KCNT2: variants seen among roughly 807,000 people sequenced by gnomAD.
KCNT2 encodes potassium sodium-activated channel subfamily T member 2.
In KCNT2, 67 loss-of-function variants were observed where a neutral mutation model predicts 153.8. That is an observed-to-expected ratio of 0.44 (90% CI 0.36 to 0.53). KCNT2 has a LOEUF of 0.53. Ranked by LOEUF, KCNT2 falls within the 20% of genes least tolerant of loss-of-function variation. The pLI is 0.00. For synonymous variants in KCNT2, 500 were observed against 458.8 expected (o/e 1.09, Z -1.15); for missense variants, 975 against 1,354.8 (o/e 0.72, Z 4.40).
intron 8 of KCNT2, among the ~76,000 whole-genome samples, chr1:196,431,265 G>A (rs1674124243): frequency 6.6e-6 from 1 of 152,146 alleles, no homozygotes; most frequent in Non-Finnish European, 1.5e-5. Flanking sequence ...TTGACACTGA[G>A]AAATAGGGTG....
chr1:196,323,574 C>A (rs911854828), intron 19 of KCNT2, among the ~76,000 whole-genome samples: 1 of 151,808 alleles, frequency 6.6e-6, no homozygotes, highest in Admixed American at 6.6e-5. Flanking sequence ...ATTTAATTAC[C>A]ATTTAAGATC....
At chr1:196,294,220 A>T (rs1173405601) in intron 22 of KCNT2, among the ~76,000 whole-genome samples, 1 of 152,132 alleles carries the variant, frequency 6.6e-6, no homozygotes, top group Non-Finnish European at 1.5e-5. Flanking sequence ...AGAGGAGTGG[A>T]GCAAAGAGAA....
At chr1:196,386,399 A>G (rs1361550024) in intron 13 of KCNT2, among the ~76,000 whole-genome samples, 1 of 152,070 alleles carries the variant, frequency 6.6e-6, no homozygotes, top group African/African-American at 2.4e-5. Flanking sequence ...TAGCTTACGA[A>G]ATTGCAATGA....
chr1:196,295,900 T>C (rs1475733275), intron 22 of KCNT2, among the ~76,000 whole-genome samples: 3 of 151,948 alleles, frequency 2.0e-5, no homozygotes, highest in African/African-American at 7.2e-5. Context: ...TTTTATGACA[T>C]GGAGGGTTGT....
intron 1 of KCNT2, among the ~76,000 whole-genome samples, chr1:196,540,094 A>T (rs926257524): frequency 6.6e-6 from 1 of 152,150 alleles, no homozygotes; most frequent in Non-Finnish European, 1.5e-5. Context: ...TTTCCATACT[A>T]CCTACATTAT....
intron 15 of KCNT2, 28 bp from the exon 16 acceptor site, chr1:196,340,598 A>C (rs1478839513): frequency 1.5e-6 from 2 of 1,353,974 alleles, no homozygotes; most frequent in Non-Finnish European, 2.0e-6. Flanking sequence ...GAGAGTTTGT[A>C]AGAAAATTAG....
intron 1 of KCNT2, among the ~76,000 whole-genome samples, chr1:196,496,216 T>A (rs1421752822): frequency 1.3e-5 from 2 of 152,102 alleles, no homozygotes; most frequent in Non-Finnish European, 2.9e-5. Flanking sequence ...ACACCTGTAA[T>A]CCCAGCAATT....
chr1:196,475,573 A>C lies in KCNT2; in HGVS notation c.384+3606T>G, dbSNP rs530283849. Among the ~76,000 whole-genome samples the C allele has an allele frequency of 5.4e-4, 82 of 152,068 alleles. 1 individual carries two copies. Among genetic ancestry groups the C allele is most frequent in the African/African-American group, 1.9e-3 (79 of 41,478 alleles). ...GAGGTAGAGACAATCACGCCACTGC[A>C]CTCCAGCCTGAGCAACAGAGTGAGA... On this transcript the variant is annotated intron_variant, in intron 5 of 27. Transcript: ENST00000294725.
At position 196,465,670 on chromosome 1, in the gene KCNT2, C is replaced by T. The variant is rs187102233; in HGVS notation, c.544-283G>A. 5.0e-3 allele frequency among the ~76,000 whole-genome samples: 758 copies of T among 151,976 alleles called. 4 individuals carry two copies. Among genetic ancestry groups the T allele is most frequent in the Non-Finnish European group, 7.6e-3 (517 of 67,906 alleles). ...TACAGACATCTGAACAGGTGTTGCACTTACTCCCCCAAACCCCTACATGTT... is the reference window on the plus strand; with the variant it reads ...TACAGACATCTGAACAGGTGTTGCATTTACTCCCCCAAACCCCTACATGTT... On this transcript the variant is annotated intron_variant, in intron 7 of 27. Transcript: ENST00000294725.
At chr1:196,384,909 A>T (rs1669834005) in intron 13 of KCNT2, among the ~76,000 whole-genome samples, 1 of 152,130 alleles carries the variant, frequency 6.6e-6, no homozygotes, top group East Asian at 1.9e-4. Context: ...CTTCCTCCCA[A>T]ATGTCTATTT....
chr1:196,447,043 C>T (rs186631881), intron 8 of KCNT2, among the ~76,000 whole-genome samples: 99 of 151,596 alleles, frequency 6.5e-4, no homozygotes, highest in Non-Finnish European at 1.4e-3. Flanking sequence ...CATTGTTAAT[C>T]GCTTTGGATG....
intron 12 of KCNT2, among the ~76,000 whole-genome samples, chr1:196,405,015 G>A (rs917204304): frequency 3.3e-5 from 5 of 151,198 alleles, no homozygotes; most frequent in African/African-American, 9.7e-5. Context: ...TCACAAAACA[G>A]AACAAACATC....
intron 25 of KCNT2, among the ~76,000 whole-genome samples, chr1:196,259,948 T>C (rs879462746): frequency 2.6e-5 from 4 of 151,910 alleles, no homozygotes; most frequent in Non-Finnish European, 4.4e-5. Flanking sequence ...TACTTGATAA[T>C]GTACTAAAAA....
At chr1:196,493,344 G>C (rs192242635) in intron 1 of KCNT2, among the ~76,000 whole-genome samples, 5 of 150,310 alleles carry the variant, frequency 3.3e-5, no homozygotes, top group African/African-American at 1.2e-4. Context: ...TTGGGGGGGA[G>C]ATTTTTGGTT....
chr1:196,330,406 T>G lies in KCNT2; in HGVS notation c.2103+750A>C, dbSNP rs1664341891. Among the ~76,000 whole-genome samples the G allele has an allele frequency of 2.0e-5, 3 of 152,054 alleles. No homozygotes were observed. In the South Asian group the frequency reaches 6.2e-4, roughly 32 times the overall value. On this transcript the variant is annotated intron_variant, in intron 18 of 27. Transcript: ENST00000294725. ...ACTTGGTGAAGTTAGTTGCCCAAATTACATGACTTGTAAGTGGAGAGCTGA... is the reference window on the plus strand; with the variant it reads ...ACTTGGTGAAGTTAGTTGCCCAAATGACATGACTTGTAAGTGGAGAGCTGA...
intron 1 of KCNT2, among the ~76,000 whole-genome samples, chr1:196,511,258 C>G (rs990993752): frequency 6.6e-6 from 1 of 152,038 alleles, no homozygotes; most frequent in Non-Finnish European, 1.5e-5. Context: ...ACTGAAGCTA[C>G]TGTTCACCCC....
chr1:196,332,613 A>T (rs989308672), intron 17 of KCNT2, among the ~76,000 whole-genome samples: 4 of 152,142 alleles, frequency 2.6e-5, no homozygotes, highest in African/African-American at 9.7e-5. Flanking sequence ...TATGCTGCCA[A>T]TGCCACTACT....
chr1:196,605,036 T>G (rs1353647756), intron 1 of KCNT2, among the ~76,000 whole-genome samples: 1 of 152,200 alleles, frequency 6.6e-6, no homozygotes, highest in Non-Finnish European at 1.5e-5. Context: ...CATTTGAGCA[T>G]CTATCATATG....
intron 23 of KCNT2, among the ~76,000 whole-genome samples, chr1:196,283,353 G>A (rs1395376396): frequency 6.6e-6 from 1 of 151,988 alleles, no homozygotes; most frequent in African/African-American, 2.4e-5. Flanking sequence ...AGAATGGCGT[G>A]AACCCCGGGG....
Sources: allele counts gnomAD v4.1 joint callset (sites outside exome capture counted in the v4.1 genomes callset), GRCh38; gene constraint gnomAD v4.1.1; transcripts MANE v1.5; gene names NCBI Gene and HGNC (gene_info 2026-07-23, HGNC 2026-07-21).